RIC3: variants seen among roughly 807,000 people sequenced by gnomAD.
RIC3 encodes RIC3 acetylcholine receptor chaperone.
RIC3 carries 28 observed loss-of-function variants against 27.3 expected under a neutral mutation model. The observed-to-expected ratio is 1.02, with a 90% CI of 0.76 to 1.41. The LOEUF is 1.41. RIC3 is among the 40% of genes most tolerant of loss of function. RIC3 has a pLI of 0.00. For missense variants in RIC3, 501 were observed against 444.7 expected (o/e 1.13, Z -1.14); for synonymous variants, 184 against 160.4 (o/e 1.15, Z -1.11).
chr11:8,145,249 G>A (rs1464674442), intron 1 of RIC3, among the ~76,000 whole-genome samples: 3 of 150,114 alleles, frequency 2.0e-5, no homozygotes, highest in African/African-American at 7.4e-5. Context: ...GGAGAAAAGA[G>A]AACTAGAAAC....
At chr11:8,165,146 G>A (rs1028695979) in intron 1 of RIC3, among the ~76,000 whole-genome samples, 2 of 152,112 alleles carry the variant, frequency 1.3e-5, no homozygotes, top group African/African-American at 2.4e-5. Context: ...GAAATTCCAC[G>A]CTTAGTTCCA....
rs1944717132 is a variant in RIC3 at position 8,106,814 on chromosome 11, C to G, written c.*3884G>C. The G allele has an allele frequency of 6.6e-6, 1 of 152,172 alleles. No homozygotes were observed. Among genetic ancestry groups the G allele is most frequent in the Non-Finnish European group, 1.5e-5 (1 of 68,032 alleles). 9.4% of individuals were successfully genotyped at this position (152,172 alleles called of 1,614,324 possible). A position where few individuals can be genotyped will look rare whatever the true frequency, so the allele number is the denominator to read the frequency against. On this transcript the variant is annotated 3_prime_UTR_variant, in exon 6 of 6. Transcript: ENST00000309737. ...ACAAGAGGTTATAACTAAAGGCACC[C>G]GGAGACTGCAGAAGGGCCCTGGGCC...
chr11:8,147,752 G>A (rs1312515600), intron 1 of RIC3, among the ~76,000 whole-genome samples: 1 of 146,522 alleles, frequency 6.8e-6, no homozygotes, highest in Admixed American at 6.8e-5. Context: ...TTTTTGAGAG[G>A]GAGTCTTGCT....
rs1432998674 is a variant in RIC3 at position 8,110,696 on chromosome 11, T to C, written c.*2A>G. On this transcript the variant is annotated 3_prime_UTR_variant, in exon 6 of 6. Coordinates refer to ENST00000309737, the MANE Select transcript of RIC3 (RefSeq NM_001206671.4). ...GTAATGGATACTTCAGACTGGCTGTTTTCACTCTAAACCCTGGGGGTTACG... is the reference window on the plus strand; with the variant it reads ...GTAATGGATACTTCAGACTGGCTGTCTTCACTCTAAACCCTGGGGGTTACG... 6.2e-7 allele frequency: 1 copy of C among 1,613,850 alleles called. No homozygotes were observed. The highest frequency in any genetic ancestry group is 8.5e-7 in the Non-Finnish European group (1 of 1,179,866).
chr11:8,149,280 A>T lies in RIC3; in HGVS notation c.125-9087T>A, dbSNP rs1950012867. On this transcript the variant is annotated intron_variant, in intron 1 of 5. Coordinates refer to ENST00000309737, the MANE Select transcript of RIC3 (RefSeq NM_001206671.4). ...CAATTACTGAAGGGAATGAAAGAAT[A>T]GGAGAGAAGCAAAAGCACACCAGGA... Among the ~76,000 whole-genome samples the T allele has an allele frequency of 2.0e-5, 3 of 152,128 alleles. No individual in the cohort carries two copies. The South Asian group carries it at 6.2e-4, about 32-fold the overall frequency.
intron 1 of RIC3, among the ~76,000 whole-genome samples, chr11:8,152,449 G>A (rs560525379): frequency 6.6e-6 from 1 of 152,254 alleles, no homozygotes; most frequent in East Asian, 1.9e-4. Context: ...TATTATAAGT[G>A]AATACAGCCA....
At chr11:8,157,581 A>G (rs1482033594) in intron 1 of RIC3, among the ~76,000 whole-genome samples, 1 of 152,192 alleles carries the variant, frequency 6.6e-6, no homozygotes, top group East Asian at 1.9e-4. Context: ...AACTTCTTGA[A>G]TAAAGGCCTA....
At chr11:8,100,668 A>G in the RIC3 span, 5 of 1,560,494 alleles carry the variant, frequency 3.2e-6, no homozygotes, top group Admixed American at 1.7e-5. Flanking sequence ...TTCTAAGGGC[A>G]GAACTCCAGC....
At chr11:8,140,323 A>T (rs1948909403) in intron 1 of RIC3, 130 bp from the exon 2 acceptor site, 6 of 773,334 alleles carry the variant, frequency 7.8e-6, no homozygotes, top group African/African-American at 1.8e-5. Context: ...AACTTAATTA[A>T]AAGGATACAG....
At chr11:8,095,618 G>T in the RIC3 span, 1 of 1,611,494 alleles carries the variant, frequency 6.2e-7, no homozygotes, top group South Asian at 1.1e-5. Context: ...GCTGGTGGGG[G>T]CGAACGGCCC....
At chr11:8,118,594 G>A (rs1381878182) in intron 5 of RIC3, among the ~76,000 whole-genome samples, 1 of 149,844 alleles carries the variant, frequency 6.7e-6, no homozygotes, top group Non-Finnish European at 1.5e-5. Flanking sequence ...TGGGCTGGGC[G>A]CAGTGGCTCA....
downstream of RIC3, chr11:8,101,787 G>A: frequency 1.6e-6 from 2 of 1,252,910 alleles, no homozygotes; most frequent in Non-Finnish European, 2.1e-6. Context: ...CTTTGCCTCT[G>A]CTACTGAGGC....
At chr11:8,097,871 G>A in the RIC3 span, 2 of 1,457,442 alleles carry the variant, frequency 1.4e-6, no homozygotes, top group African/African-American at 1.4e-5. Context: ...GGAGGGAGGG[G>A]CAGGGGCAAG....
chr11:8,101,498 T>C (rs753898404), downstream of RIC3: 2 of 1,614,204 alleles, frequency 1.2e-6, no homozygotes, highest in Admixed American at 3.3e-5. Flanking sequence ...GACTACATCG[T>C]GATGCAGTTT....
the RIC3 span, chr11:8,097,502 G>T: frequency 6.3e-7 from 1 of 1,590,026 alleles, no homozygotes; most frequent in Non-Finnish European, 8.6e-7. Flanking sequence ...GTGACTGGAA[G>T]TCTCATATCT....
chr11:8,135,903 C>T lies in RIC3; in HGVS notation c.521+1475G>A, dbSNP rs1948345330. On this transcript the variant is annotated intron_variant, in intron 4 of 5. Coordinates refer to ENST00000309737, the MANE Select transcript of RIC3 (RefSeq NM_001206671.4). ...ATAATTGCACAAATTGGTTTAGTCA[C>T]ACTCATACAAATAGTCATATGTTAG... 2.6e-5 allele frequency: 4 copies of T among 152,172 alleles called. No individual in the cohort carries two copies. The South Asian group carries it at 8.3e-4, about 32-fold the overall frequency. The allele number at this position is 152,172 out of a possible 1,614,324, so 9.4% of individuals were successfully genotyped here.
At chr11:8,132,924 CTG>C (rs1947906575) in intron 4 of RIC3, among the ~76,000 whole-genome samples, 2 of 152,138 alleles carry the variant, frequency 1.3e-5, no homozygotes, top group African/African-American at 4.8e-5. Context: ...AGGACACAAA[CTG>C]TAAGTATAAA....
At chr11:8,162,548 A>T (rs1007485186) in intron 1 of RIC3, among the ~76,000 whole-genome samples, 2 of 151,230 alleles carry the variant, frequency 1.3e-5, no homozygotes, top group Admixed American at 1.3e-4. Flanking sequence ...ACAGAAAAAA[A>T]CCTTCACAAT....
At chr11:8,168,821 A>G (rs372700221) in intron 1 of RIC3, 45 bp downstream of exon 1, 17 of 1,583,618 alleles carry the variant, frequency 1.1e-5, no homozygotes, top group Non-Finnish European at 3.4e-6. Flanking sequence ...CGTTCTCCGT[A>G]CTCTTCGGCG....
Sources: gnomAD v4.1 joint callset for allele counts (sites outside exome capture counted in the v4.1 genomes callset) on GRCh38, gnomAD v4.1.1 for gene constraint, MANE v1.5 for transcripts, NCBI Gene and HGNC (gene_info 2026-07-23, HGNC 2026-07-21) for gene names.